The following SCUBE1 variants were observed in gnomAD, a reference collection of about 807,000 sequenced individuals.
The protein encoded by SCUBE1 is signal peptide, CUB and EGF-like domain-containing protein 1.
SCUBE1 carries 59 observed loss-of-function variants against 124.4 expected under a neutral mutation model. The observed-to-expected ratio is 0.47, with a 90% CI of 0.38 to 0.59. SCUBE1 has a LOEUF of 0.59. Ranked by LOEUF, SCUBE1 falls within the 20% of genes least tolerant of loss-of-function variation. The pLI, the probability that SCUBE1 is intolerant of heterozygous loss-of-function variation, is 0.00. For missense variants in SCUBE1, 1,150 were observed against 1,371.2 expected (o/e 0.84, Z 2.55); for synonymous variants, 545 against 550.9 (o/e 0.99, Z 0.15).
intron 4 of SCUBE1, 36 bp downstream of exon 4, chr22:43,291,010 G>T (rs534851515): frequency 2.7e-5 from 42 of 1,541,276 alleles, no homozygotes; most frequent in Non-Finnish European, 3.4e-5. Context: ...CCCATCCTGG[G>T]GGGGGACATG....
At chr22:43,307,933 T>G (rs997970607) in intron 3 of SCUBE1, among the ~76,000 whole-genome samples, 3 of 148,994 alleles carry the variant, frequency 2.0e-5, no homozygotes, top group African/African-American at 4.9e-5. Context: ...CTGCCCTGAT[T>G]GCTGGGCCAG....
chr22:43,279,832 C>T (rs1210834253), intron 4 of SCUBE1, among the ~76,000 whole-genome samples: 1 of 152,170 alleles, frequency 6.6e-6, no homozygotes, highest in Non-Finnish European at 1.5e-5. Context: ...CAAGTACTAC[C>T]CAAGGGGGTG....
At chr22:43,289,518 A>T (rs1245638532) in intron 4 of SCUBE1, among the ~76,000 whole-genome samples, 1 of 152,258 alleles carries the variant, frequency 6.6e-6, no homozygotes, top group Non-Finnish European at 1.5e-5. Context: ...ACAAACACTA[A>T]GAATTCTAAG....
intron 3 of SCUBE1, among the ~76,000 whole-genome samples, chr22:43,309,316 C>A (rs1926090437): frequency 6.6e-6 from 1 of 152,184 alleles, no homozygotes. Context: ...CTGTTACCAG[C>A]CCCACCTCAT....
At chr22:43,328,242 C>T (rs1199483434) in intron 2 of SCUBE1, among the ~76,000 whole-genome samples, 1 of 151,760 alleles carries the variant, frequency 6.6e-6, no homozygotes, top group African/African-American at 2.4e-5. Flanking sequence ...GCTGAGGCAG[C>T]CTGGTCAAGT....
intron 3 of SCUBE1, chr22:43,317,247 G>C (rs2744875): frequency 0.13 from 19,402 of 152,334 alleles, 1,556 homozygotes; most frequent in East Asian, 0.27. Flanking sequence ...AGCTGGAGTA[G>C]TAATGCCTGC....
At chr22:43,253,937 C>T (rs575711825) in intron 6 of SCUBE1, among the ~76,000 whole-genome samples, 17 of 152,162 alleles carry the variant, frequency 1.1e-4, no homozygotes, top group Admixed American at 4.6e-4. Flanking sequence ...AGAACACTGA[C>T]GACTCTGGGG....
rs1250359535 is a variant in SCUBE1, at chr22:43,299,651, G to A, written c.350-8471C>T. ...TTCTGGTTGAGATAGAACTCATGGA[G>A]CACACAATTCACAATCTTTAAGCCG... is the stretch of plus-strand genomic sequence containing the variant. On this transcript the variant is annotated intron_variant, in intron 3 of 21. Transcript: ENST00000360835. Among the ~76,000 whole-genome samples the A allele has an allele frequency of 2.0e-5, 3 of 152,118 alleles. No homozygotes were observed. The East Asian group carries it at 5.8e-4, about 29-fold the overall frequency.
rs114714515 is a variant in SCUBE1 at position 43,216,612 on chromosome 22, A to C, written c.1891+1643T>G. Among the ~76,000 whole-genome samples, 822 of 152,110 alleles carry C rather than the reference A, an allele frequency of 5.4e-3. 8 individuals are homozygous for C. Among genetic ancestry groups the C allele is most frequent in the African/African-American group, 0.018 (759 of 41,506 alleles). Reference sequence around the variant, plus strand: ...AGTTGCGGTGAGCTGAGATTACACCATTGCACTGCAGCCTGGCTACAGAGC... The same window carrying C: ...AGTTGCGGTGAGCTGAGATTACACCCTTGCACTGCAGCCTGGCTACAGAGC... On this transcript the variant is annotated intron_variant, in intron 15 of 21. Coordinates refer to ENST00000360835, the MANE Select transcript of SCUBE1 (RefSeq NM_173050.5).
chr22:43,291,297 C>T (rs1925348013), intron 3 of SCUBE1, 117 bp from the exon 4 acceptor site: 1 of 1,171,288 alleles, frequency 8.5e-7, no homozygotes, highest in African/African-American at 1.5e-5. Flanking sequence ...AAGGGAGGGA[C>T]TCCAGAGAGG....
chr22:43,206,109 C>T (rs1057308684), intron 21 of SCUBE1, among the ~76,000 whole-genome samples: 1 of 138,980 alleles, frequency 7.2e-6, no homozygotes, highest in Admixed American at 7.1e-5. Context: ...ACCACACATC[C>T]ACCACACCCC....
chr22:43,301,931 C>T (rs990049579), intron 3 of SCUBE1, among the ~76,000 whole-genome samples: 3 of 152,232 alleles, frequency 2.0e-5, no homozygotes, highest in African/African-American at 4.8e-5. Flanking sequence ...CCTTCGCTGC[C>T]GTATGCTGCA....
chr22:43,217,888 G>A (rs1209392373), intron 15 of SCUBE1, among the ~76,000 whole-genome samples: 1 of 152,146 alleles, frequency 6.6e-6, no homozygotes, highest in East Asian at 1.9e-4. Flanking sequence ...CCCAACTCCT[G>A]GAGCCCTGAG....
chr22:43,250,384 C>G (rs1399914468), intron 6 of SCUBE1, among the ~76,000 whole-genome samples: 1 of 152,194 alleles, frequency 6.6e-6, no homozygotes, highest in Admixed American at 6.5e-5. Flanking sequence ...TACGGAGGGA[C>G]AGGGAAGGCT....
intron 3 of SCUBE1, among the ~76,000 whole-genome samples, chr22:43,301,247 CCCTGCCTCCAT>C (rs1925760053): frequency 6.6e-6 from 1 of 152,192 alleles, no homozygotes; most frequent in Non-Finnish European, 1.5e-5. Context: ...TTCTCGAACT[CCCTGCCTCCAT>C]CCTGCCTCTG....
chr22:43,215,558 G>A (rs908070283), intron 15 of SCUBE1, among the ~76,000 whole-genome samples: 4 of 152,220 alleles, frequency 2.6e-5, no homozygotes, highest in African/African-American at 4.8e-5. Context: ...AGCCAGTGGC[G>A]GGCTGGGGGT....
chr22:43,341,360 G>A (rs1205956410), intron 1 of SCUBE1, among the ~76,000 whole-genome samples: 1 of 152,230 alleles, frequency 6.6e-6, no homozygotes, highest in Non-Finnish European at 1.5e-5. Flanking sequence ...GGGACCCAGA[G>A]GCCAGAGAGG....
intron 2 of SCUBE1, among the ~76,000 whole-genome samples, chr22:43,327,462 G>T (rs1003349666): frequency 6.6e-6 from 1 of 152,188 alleles, no homozygotes; most frequent in African/African-American, 2.4e-5. Context: ...TGGTCAAGGG[G>T]CATGGAGTTT....
intron 4 of SCUBE1, among the ~76,000 whole-genome samples, chr22:43,269,319 C>G (rs554339458): frequency 1.3e-5 from 2 of 152,220 alleles, no homozygotes; most frequent in Non-Finnish European, 2.9e-5. Flanking sequence ...CTAGAGTGTG[C>G]GCAGAGAGAA....
Sources: allele counts gnomAD v4.1 joint callset (sites outside exome capture counted in the v4.1 genomes callset), GRCh38; gene constraint gnomAD v4.1.1; transcripts MANE v1.5; gene names NCBI Gene and HGNC (gene_info 2026-07-23, HGNC 2026-07-21).